Variants in TBC1D22A observed in about 807,000 individuals in gnomAD.
The protein encoded by TBC1D22A is putative GTPase activator.
TBC1D22A carries 38 observed loss-of-function variants against 60.2 expected under a neutral mutation model. That is an observed-to-expected ratio of 0.63 (90% CI 0.49 to 0.83). TBC1D22A has a LOEUF of 0.83. Among genes scored for constraint, TBC1D22A ranks in the 40% least tolerant of loss-of-function variants. The probability of loss-of-function intolerance (pLI) is 0.00; values close to 1 mark genes in which losing one functional copy is unlikely to be tolerated. For missense variants in TBC1D22A, 628 were observed against 701.0 expected, an observed-to-expected ratio of 0.90 and a Z score of 1.18; for synonymous variants, 302 against 281.7, an observed-to-expected ratio of 1.07 and a Z score of -0.72.
At chr22:46,962,852 G>A (rs2073584030) in intron 8 of TBC1D22A, among the ~76,000 whole-genome samples, 1 of 152,138 alleles carries the variant, frequency 6.6e-6, no homozygotes, top group South Asian at 2.1e-4. Context: ...ACGTATCTGT[G>A]GCTAATTTCC....
At position 46,835,081 on chromosome 22, in the gene TBC1D22A, T is replaced by C. The variant is rs77154079; in HGVS notation, c.637+37461T>C. ...AAGAGGAGTGGAGTGGGTACATTAA[T>C]AGGAAAGGTCTGAGAGGCTCCCAGA... On this transcript the variant is annotated intron_variant, in intron 4 of 12. Transcript: ENST00000337137. Among the ~76,000 whole-genome samples, 554 of 152,272 alleles carry C rather than the reference T, an allele frequency of 3.6e-3. 9 individuals are homozygous for C. The East Asian group carries it at 0.063, about 17-fold the overall frequency.
At chr22:47,050,623 C>G (rs1485083325) in intron 11 of TBC1D22A, among the ~76,000 whole-genome samples, 1 of 152,218 alleles carries the variant, frequency 6.6e-6, no homozygotes, top group African/African-American at 2.4e-5. Context: ...ACTCTAGGAG[C>G]TTGCCTTCTG....
chr22:46,996,686 G>T (rs1202764404), intron 9 of TBC1D22A, among the ~76,000 whole-genome samples: 1 of 152,170 alleles, frequency 6.6e-6, no homozygotes, highest in Non-Finnish European at 1.5e-5. Flanking sequence ...CCCGACCACC[G>T]GCTGAGGCCC....
At chr22:46,839,095 C>T (rs1407591749) in intron 4 of TBC1D22A, among the ~76,000 whole-genome samples, 4 of 152,114 alleles carry the variant, frequency 2.6e-5, no homozygotes, top group African/African-American at 9.7e-5. Flanking sequence ...ACGTAGATAA[C>T]CCTAAGGACT....
chr22:47,128,829 T>C (rs1416679476), intron 12 of TBC1D22A, among the ~76,000 whole-genome samples: 1 of 152,198 alleles, frequency 6.6e-6, no homozygotes, highest in Non-Finnish European at 1.5e-5. Context: ...CCGAGGCAGA[T>C]GGGCCCCAGA....
intron 11 of TBC1D22A, among the ~76,000 whole-genome samples, chr22:47,091,066 G>T (rs1455887463): frequency 6.8e-6 from 1 of 146,088 alleles, no homozygotes; most frequent in Admixed American, 6.8e-5. Flanking sequence ...CCTCGCAGAG[G>T]GGGTGGCTGC....
chr22:47,042,996 G>A (rs149701763), intron 11 of TBC1D22A, among the ~76,000 whole-genome samples: 83 of 152,308 alleles, frequency 5.4e-4, no homozygotes, highest in African/African-American at 1.8e-3. Flanking sequence ...CTTGGGCCCC[G>A]AATCACTCAG....
At chr22:47,052,975 G>T (rs992370841) in intron 11 of TBC1D22A, among the ~76,000 whole-genome samples, 4 of 152,218 alleles carry the variant, frequency 2.6e-5, no homozygotes, top group African/African-American at 9.6e-5. Flanking sequence ...GCTGCTGGCT[G>T]GGCCTCCTCA....
chr22:46,978,391 A>G (rs1032313399), intron 9 of TBC1D22A, among the ~76,000 whole-genome samples: 9 of 152,256 alleles, frequency 5.9e-5, no homozygotes, highest in African/African-American at 2.2e-4. Context: ...TATAAGTAAC[A>G]TTTTTATGAT....
intron 9 of TBC1D22A, among the ~76,000 whole-genome samples, chr22:46,995,560 G>A (rs2075094462): frequency 6.6e-6 from 1 of 152,158 alleles, no homozygotes; most frequent in Non-Finnish European, 1.5e-5. Context: ...AGTGCTGGCT[G>A]CGTGTGTTCA....
At position 47,175,169 on chromosome 22, in the gene TBC1D22A, G is replaced by A. The variant is rs560467866; in HGVS notation, c.*1543G>A. On this transcript the variant is annotated 3_prime_UTR_variant, in exon 13 of 13. Transcript: ENST00000337137. The stretch of plus-strand genomic sequence containing the variant: ...ATCCAGGGTCATTACACACAGCATG[G>A]AAATTAGCACAAAATGCTGTGCAAA... The A allele has an allele frequency of 3.3e-5, 5 of 152,390 alleles. No individual in the cohort carries two copies. The highest frequency in any genetic ancestry group is 1.2e-4 in the African/African-American group (5 of 41,582). 9.4% of individuals were successfully genotyped at this position (152,390 alleles called of 1,614,324 possible).
intron 11 of TBC1D22A, among the ~76,000 whole-genome samples, chr22:47,104,745 C>T (rs1408417655): frequency 6.6e-6 from 1 of 151,658 alleles, no homozygotes; most frequent in Non-Finnish European, 1.5e-5. Flanking sequence ...TCTATTGTCT[C>T]TAAGAGCAGC....
Position 47,028,563 on chromosome 22 carries a change from G to A in TBC1D22A, c.1202-8508G>A, listed in dbSNP as rs970490885. ...GTGAGTGGTCGCGTTCCTGTCCCTC[G>A]GTCCCTGTCCCCCACGGCCCAGGAA... On this transcript the variant is annotated intron_variant, in intron 10 of 12. Transcript: ENST00000337137. The surrounding 1 kb of genome is among the most constrained non-coding windows in gnomAD (Gnocchi z 4.4). 2.6e-5 allele frequency among the ~76,000 whole-genome samples: 4 copies of A among 151,954 alleles called. No homozygotes were observed. The highest frequency in any genetic ancestry group is 9.7e-5 in the African/African-American group (4 of 41,330).
Position 46,986,415 on chromosome 22 carries a change from C to T in TBC1D22A, c.1126-11219C>T, listed in dbSNP as rs192302319. Among the ~76,000 whole-genome samples the T allele has an allele frequency of 2.6e-3, 397 of 150,912 alleles. 2 individuals carry two copies. The highest frequency in any genetic ancestry group is 9.1e-3 in the African/African-American group (376 of 41,200). The stretch of plus-strand genomic sequence containing the variant: ...CACTTCCTACAAAAAAAAAAAAAGC[C>T]TGTTGAGATTTTGAATGAGAATATG... On this transcript the variant is annotated intron_variant, in intron 9 of 12. Coordinates refer to ENST00000337137, the MANE Select transcript of TBC1D22A (RefSeq NM_014346.5).
intron 12 of TBC1D22A, among the ~76,000 whole-genome samples, chr22:47,113,806 C>G (rs2065933548): frequency 6.6e-6 from 1 of 152,272 alleles, no homozygotes; most frequent in Admixed American, 6.5e-5. Flanking sequence ...GAGGCTGAAG[C>G]AGGCCATGAG....
chr22:47,051,032 G>A (rs1210038148), intron 11 of TBC1D22A, among the ~76,000 whole-genome samples: 1 of 152,200 alleles, frequency 6.6e-6, no homozygotes, highest in Non-Finnish European at 1.5e-5. Context: ...CCCTGTCTGG[G>A]CGGCGGCTCT....
chr22:47,155,187 G>A (rs2067661604), intron 12 of TBC1D22A, among the ~76,000 whole-genome samples: 1 of 151,196 alleles, frequency 6.6e-6, no homozygotes, highest in East Asian at 1.9e-4. Context: ...ACTGAAAGGC[G>A]CTTTTCTCTT....
intron 11 of TBC1D22A, among the ~76,000 whole-genome samples, chr22:47,051,352 T>C (rs893091494): frequency 6.6e-6 from 1 of 152,236 alleles, no homozygotes; most frequent in South Asian, 2.1e-4. Context: ...ATTTGTAAGA[T>C]TTTTTTATAC....
chr22:47,076,519 TA>T (rs1464417148), intron 11 of TBC1D22A, among the ~76,000 whole-genome samples: 1 of 151,984 alleles, frequency 6.6e-6, no homozygotes, highest in African/African-American at 2.4e-5. Flanking sequence ...ATGCACTTTT[TA>T]AATAATTGAA....
Sources: allele counts gnomAD v4.1 joint callset (sites outside exome capture counted in the v4.1 genomes callset), GRCh38; gene constraint gnomAD v4.1.1; non-coding constraint Gnocchi (gnomAD v3.1); transcripts MANE v1.5; gene names NCBI Gene and HGNC (gene_info 2026-07-23, HGNC 2026-07-21).